The following AUTS2 variants were observed in gnomAD, a reference collection of about 807,000 sequenced individuals.
The protein encoded by AUTS2 is activator of transcription and developmental regulator AUTS2.
In AUTS2, 17 loss-of-function variants were observed where a neutral mutation model predicts 112.4. The observed-to-expected ratio is 0.15, with a 90% CI of 0.10 to 0.23. AUTS2 has a LOEUF of 0.23. Ranked by LOEUF, AUTS2 falls within the 10% of genes least tolerant of loss-of-function variation. The pLI is 1.00. For synonymous variants in AUTS2, 751 were observed against 702.7 expected (o/e 1.07, Z -1.09); for missense variants, 1,510 against 1,701.6 (o/e 0.89, Z 1.98).
chr7:70,252,478 TCC>T (rs1786653842), intron 4 of AUTS2, among the ~76,000 whole-genome samples: 2 of 152,174 alleles, frequency 1.3e-5, no homozygotes, highest in African/African-American at 2.4e-5. Context: ...TTATTTGAGT[TCC>T]TTATATATTT....
intron 2 of AUTS2, among the ~76,000 whole-genome samples, chr7:70,061,315 A>G (rs886601432): frequency 3.3e-5 from 5 of 152,208 alleles, no homozygotes; most frequent in Non-Finnish European, 5.9e-5. Context: ...GTAGTTCCTC[A>G]GTCCCCAAGA....
intron 1 of AUTS2, among the ~76,000 whole-genome samples, chr7:69,860,197 G>T (rs1214810075): frequency 1.3e-5 from 2 of 151,966 alleles, no homozygotes; most frequent in African/African-American, 4.8e-5. Flanking sequence ...GATGACCTGA[G>T]TTACAGGTAG....
chr7:69,943,299 T>C (rs1796694869), intron 2 of AUTS2, among the ~76,000 whole-genome samples: 1 of 152,240 alleles, frequency 6.6e-6, no homozygotes, highest in Non-Finnish European at 1.5e-5. Flanking sequence ...GAACATAGTA[T>C]GTTTCCTATA....
intron 2 of AUTS2, among the ~76,000 whole-genome samples, chr7:69,986,702 T>C (rs1798527935): frequency 1.3e-5 from 2 of 152,236 alleles, no homozygotes; most frequent in South Asian, 4.1e-4. Context: ...ACCAGTTTAT[T>C]GTTTTCTGGA....
chr7:69,902,295 A>G (rs1795000013), intron 2 of AUTS2, among the ~76,000 whole-genome samples: 1 of 152,132 alleles, frequency 6.6e-6, no homozygotes, highest in African/African-American at 2.4e-5. Flanking sequence ...TTGCTTTCCT[A>G]TCATCCTAGA....
At chr7:70,543,539 A>G (rs967084307) in intron 5 of AUTS2, among the ~76,000 whole-genome samples, 17 of 151,908 alleles carry the variant, frequency 1.1e-4, no homozygotes, top group Non-Finnish European at 5.9e-5. Context: ...GGGAAAAAAA[A>G]AAAAAAAAGG....
chr7:69,926,840 TATATC>T (rs1229142846), intron 2 of AUTS2, among the ~76,000 whole-genome samples: 1 of 146,652 alleles, frequency 6.8e-6, no homozygotes, highest in Middle Eastern at 3.6e-3. Flanking sequence ...ATATATAAGA[TATATC>T]ATGTATATAT....
At chr7:69,724,884 T>A (rs1786432998) in intron 1 of AUTS2, among the ~76,000 whole-genome samples, 1 of 152,226 alleles carries the variant, frequency 6.6e-6, no homozygotes, top group South Asian at 2.1e-4. Context: ...TTGATTTGTA[T>A]CATTACTTTG....
intron 1 of AUTS2, among the ~76,000 whole-genome samples, chr7:69,799,476 T>G (rs1217212023): frequency 6.6e-6 from 1 of 152,114 alleles, no homozygotes; most frequent in East Asian, 1.9e-4. Flanking sequence ...CCAGCGAGTT[T>G]GGGGAACCGG....
intron 4 of AUTS2, among the ~76,000 whole-genome samples, chr7:70,193,255 G>A (rs953746778): frequency 6.6e-5 from 10 of 152,112 alleles, no homozygotes; most frequent in South Asian, 2.1e-4. Context: ...TTATCTAAAC[G>A]TATGCATTTG....
intron 4 of AUTS2, among the ~76,000 whole-genome samples, chr7:70,177,615 A>G (rs1216440894): frequency 6.6e-6 from 1 of 152,214 alleles, no homozygotes; most frequent in Non-Finnish European, 1.5e-5. Context: ...TTTTACAGCT[A>G]GTGATAATGA....
intron 4 of AUTS2, among the ~76,000 whole-genome samples, chr7:70,161,436 C>A (rs1308827674): frequency 6.6e-6 from 1 of 151,734 alleles, no homozygotes; most frequent in East Asian, 1.9e-4. Flanking sequence ...TTGATGAAAG[C>A]TTTTTGTTTT....
chr7:70,119,431 C>G (rs943638319), intron 3 of AUTS2: 1 of 150,386 alleles, frequency 6.6e-6, no homozygotes, highest in Non-Finnish European at 1.5e-5. Context: ...GTGGCCTGAT[C>G]TCAGCTCACT....
At chr7:70,683,255 A>G (rs1199822552) in intron 5 of AUTS2, among the ~76,000 whole-genome samples, 1 of 144,376 alleles carries the variant, frequency 6.9e-6, no homozygotes, top group Non-Finnish European at 1.6e-5. Flanking sequence ...CGTGGAAAGG[A>G]CTTTGCAGTT....
intron 4 of AUTS2, chr7:70,194,968 AT>A (rs1309544637): frequency 6.6e-6 from 1 of 152,214 alleles, no homozygotes; most frequent in Non-Finnish European, 1.5e-5. Flanking sequence ...AGAAGTACCT[AT>A]AATATTTCTT....
chr7:69,743,712 A>G (rs1330550514), intron 1 of AUTS2, among the ~76,000 whole-genome samples: 1 of 152,170 alleles, frequency 6.6e-6, no homozygotes, highest in Non-Finnish European at 1.5e-5. Context: ...TTAGAGTTTT[A>G]TATAAATGGA....
At chr7:69,808,689 C>G (rs1790414836) in intron 1 of AUTS2, among the ~76,000 whole-genome samples, 1 of 152,128 alleles carries the variant, frequency 6.6e-6, no homozygotes, top group Non-Finnish European at 1.5e-5. Flanking sequence ...CAGCTGCTCT[C>G]AGTGCATATA....
At chr7:70,726,095 A>G (rs1431552681) in intron 6 of AUTS2, among the ~76,000 whole-genome samples, 1 of 151,896 alleles carries the variant, frequency 6.6e-6, no homozygotes, top group Non-Finnish European at 1.5e-5. Context: ...ATTAGGGGTC[A>G]GGATTTACTA....
intron 2 of AUTS2, among the ~76,000 whole-genome samples, chr7:70,095,936 G>A (rs1043081438): frequency 1.3e-5 from 2 of 152,154 alleles, no homozygotes; most frequent in Non-Finnish European, 1.5e-5. Context: ...CAGCAAGGTA[G>A]CATTCAAGAA....
Sources: allele counts gnomAD v4.1 joint callset (sites outside exome capture counted in the v4.1 genomes callset), GRCh38; gene constraint gnomAD v4.1.1; transcripts MANE v1.5; gene names NCBI Gene and HGNC (gene_info 2026-07-23, HGNC 2026-07-21).